Variants in TMCC1 observed in about 807,000 individuals in gnomAD.
TMCC1 encodes transmembrane and coiled-coil domains protein 1.
TMCC1 carries 15 observed loss-of-function variants against 52.4 expected under a neutral mutation model. The observed-to-expected ratio is 0.29, with a 90% CI of 0.19 to 0.44. The LOEUF (loss-of-function observed/expected upper bound fraction) is 0.44, where lower values mean the gene tolerates loss of function less well. TMCC1 is among the 20% of genes least tolerant of loss of function. The probability of loss-of-function intolerance (pLI) is 1.00; values close to 1 mark genes in which losing one functional copy is unlikely to be tolerated. For missense variants in TMCC1, 503 were observed against 806.0 expected (o/e 0.62, Z 4.55); for synonymous variants, 279 against 301.9 (o/e 0.92, Z 0.79).
At chr3:129,671,559 G>T (rs181720844) in intron 4 of TMCC1, among the ~76,000 whole-genome samples, 98 of 152,116 alleles carry the variant, frequency 6.4e-4, no homozygotes, top group Non-Finnish European at 1.3e-3. Context: ...TCCCTTAGTG[G>T]GTTTAAAGTA....
intron 4 of TMCC1, among the ~76,000 whole-genome samples, chr3:129,698,057 A>G (rs1265001683): frequency 2.0e-5 from 3 of 152,084 alleles, no homozygotes; most frequent in Non-Finnish European, 2.9e-5. Context: ...CTGCTTCCAC[A>G]TTTTTGGGTA....
intron 4 of TMCC1, among the ~76,000 whole-genome samples, chr3:129,785,583 AC>A (rs60335743): frequency 0.035 from 5,277 of 148,954 alleles, 297 homozygotes; most frequent in African/African-American, 0.13. Flanking sequence ...ACACACACAC[AC>A]AAACACACAC....
chr3:129,669,036 C>T (rs1201157664), intron 5 of TMCC1, among the ~76,000 whole-genome samples: 1 of 152,198 alleles, frequency 6.6e-6, no homozygotes, highest in Admixed American at 6.5e-5. Context: ...CCCTTGAAGT[C>T]TTAAGTTAGA....
intron 4 of TMCC1, among the ~76,000 whole-genome samples, chr3:129,710,468 T>C (rs2048591329): frequency 6.6e-6 from 1 of 152,092 alleles, no homozygotes; most frequent in African/African-American, 2.4e-5. Context: ...CAGCTATCAT[T>C]CCATTTTAAA....
At chr3:129,823,581 C>T (rs2058522360) in intron 4 of TMCC1, among the ~76,000 whole-genome samples, 1 of 152,058 alleles carries the variant, frequency 6.6e-6, no homozygotes, top group Non-Finnish European at 1.5e-5. Flanking sequence ...GGCTAACTTG[C>T]CAAAGTTGTC....
chr3:129,866,324 A>G (rs1291245336), intron 2 of TMCC1, among the ~76,000 whole-genome samples: 1 of 143,322 alleles, frequency 7.0e-6, no homozygotes, highest in South Asian at 2.1e-4. Flanking sequence ...TTATATATAC[A>G]TATATACATA....
chr3:129,742,526 C>T (rs1476099899), intron 4 of TMCC1, among the ~76,000 whole-genome samples: 1 of 151,994 alleles, frequency 6.6e-6, no homozygotes, highest in Admixed American at 6.6e-5. Flanking sequence ...TACTTCATAC[C>T]CACTAGGATG....
At chr3:129,786,671 T>G (rs1303515155) in intron 4 of TMCC1, among the ~76,000 whole-genome samples, 1 of 152,240 alleles carries the variant, frequency 6.6e-6, no homozygotes, top group Non-Finnish European at 1.5e-5. Flanking sequence ...GCATTTTAAC[T>G]GTCTTATCTC....
intron 2 of TMCC1, among the ~76,000 whole-genome samples, chr3:129,834,109 C>G (rs919536212): frequency 6.6e-6 from 1 of 152,096 alleles, no homozygotes; most frequent in Non-Finnish European, 1.5e-5. Flanking sequence ...TCAGGAAGAT[C>G]AGTTAGAATT....
At chr3:129,804,288 T>G (rs190000662) in intron 4 of TMCC1, among the ~76,000 whole-genome samples, 1 of 152,212 alleles carries the variant, frequency 6.6e-6, no homozygotes, top group African/African-American at 2.4e-5. Context: ...TATAATGCCA[T>G]GCAAATACTA....
rs915049391 is a variant in TMCC1 at position 129,761,945 on chromosome 3, C to A, written c.576+65858G>T. Among the ~76,000 whole-genome samples the A allele has an allele frequency of 5.2e-5, 7 of 135,402 alleles. No homozygotes were observed. The South Asian group carries it at 1.7e-3, about 34-fold the overall frequency. The allele number at this position is 135,402 out of a possible 152,430, so 88.8% of individuals were successfully genotyped here. On this transcript the variant is annotated intron_variant, in intron 4 of 6. Transcript: ENST00000393238. ...GGCAGAGGTTGCAGTAAGCCGAGAT[C>A]GTGCCATTGCACTCCAGCCTGGGTG...
At chr3:129,706,999 G>T (rs1159122872) in intron 4 of TMCC1, among the ~76,000 whole-genome samples, 1 of 151,296 alleles carries the variant, frequency 6.6e-6, no homozygotes, top group African/African-American at 2.4e-5. Flanking sequence ...TAACTGGAGG[G>T]GAAAAAAAAA....
intron 2 of TMCC1, among the ~76,000 whole-genome samples, chr3:129,839,750 T>C (rs1234827980): frequency 6.6e-6 from 1 of 151,852 alleles, no homozygotes; most frequent in Admixed American, 6.6e-5. Context: ...CCAGGCATGG[T>C]GGTGTGCACC....
chr3:129,743,658 TAA>T (rs1320984958), intron 4 of TMCC1, among the ~76,000 whole-genome samples: 1 of 152,120 alleles, frequency 6.6e-6, no homozygotes, highest in East Asian at 1.9e-4. Context: ...TCTTTTGGAT[TAA>T]AAAAAGTCTC....
In TMCC1 at chr3:129,734,831, T is replaced by A. The variant is rs372610928; in HGVS notation, c.577-63567A>T. 4.6e-5 allele frequency among the ~76,000 whole-genome samples: 7 copies of A among 152,038 alleles called. No individual in the cohort carries two copies. The East Asian group carries it at 1.4e-3, about 29-fold the overall frequency. ...GAAAAGCTTGGTAATTGTGCTTGAG[T>A]GTTTGTTGTTATTCTCTTTTTCATT... is the stretch of plus-strand genomic sequence containing the variant. On this transcript the variant is annotated intron_variant, in intron 4 of 6. Coordinates refer to ENST00000393238, the MANE Select transcript of TMCC1 (RefSeq NM_001017395.5).
At chr3:129,859,227 T>A (rs1312138144) in intron 2 of TMCC1, among the ~76,000 whole-genome samples, 1 of 152,224 alleles carries the variant, frequency 6.6e-6, no homozygotes, top group Non-Finnish European at 1.5e-5. Flanking sequence ...CTTTTCACTA[T>A]AGAAACATTT....
chr3:129,778,157 T>C (rs1008257950), intron 4 of TMCC1, among the ~76,000 whole-genome samples: 1 of 152,232 alleles, frequency 6.6e-6, no homozygotes, highest in African/African-American at 2.4e-5. Context: ...CAGTCATACA[T>C]GCTTAGCAAG....
At chr3:129,751,811 AG>A (rs1353727459) in intron 4 of TMCC1, among the ~76,000 whole-genome samples, 1 of 152,010 alleles carries the variant, frequency 6.6e-6, no homozygotes, top group African/African-American at 2.4e-5. Context: ...CGCTCACCTC[AG>A]CCTCCCAAAG....
intron 4 of TMCC1, among the ~76,000 whole-genome samples, chr3:129,782,536 C>T (rs138364239): frequency 1.3e-5 from 2 of 152,260 alleles, no homozygotes; most frequent in African/African-American, 4.8e-5. Context: ...TGACCAACAA[C>T]AGAACCAAAG....
Sources: gnomAD v4.1 joint callset for allele counts (sites outside exome capture counted in the v4.1 genomes callset) on GRCh38, gnomAD v4.1.1 for gene constraint, MANE v1.5 for transcripts, NCBI Gene and HGNC (gene_info 2026-07-23, HGNC 2026-07-21) for gene names.